The following HNF1B variants were observed in gnomAD, a reference collection of about 807,000 sequenced individuals.
The protein encoded by HNF1B is HNF1 homeobox B.
A neutral mutation model predicts 61.7 loss-of-function variants in HNF1B; 8 were observed. That is an observed-to-expected ratio of 0.13 (90% CI 0.08 to 0.23). The LOEUF (loss-of-function observed/expected upper bound fraction) is 0.23. HNF1B is among the 10% of genes least tolerant of loss of function. The probability of loss-of-function intolerance (pLI) is 1.00; values close to 1 mark genes in which losing one functional copy is unlikely to be tolerated. For synonymous variants in HNF1B, 314 were observed against 287.7 expected (o/e 1.09, Z -0.93); for missense variants, 562 against 714.5 (o/e 0.79, Z 2.43).
chr17:37,716,688 CACCAGAG>C (rs913350619), intron 4 of HNF1B, among the ~76,000 whole-genome samples: 1 of 152,188 alleles, frequency 6.6e-6, no homozygotes, highest in Non-Finnish European at 1.5e-5. Context: ...GGGTGCCATT[CACCAGAG>C]ACTTTGCAGA....
At chr17:37,691,580 T>C (rs1431296786) in intron 8 of HNF1B, among the ~76,000 whole-genome samples, 1 of 152,164 alleles carries the variant, frequency 6.6e-6, no homozygotes, top group Admixed American at 6.5e-5. Flanking sequence ...GCTGGGTGTT[T>C]CCTTTGGGAC....
At chr17:37,726,297 G>A (rs1188237384) in intron 4 of HNF1B, among the ~76,000 whole-genome samples, 1 of 152,214 alleles carries the variant, frequency 6.6e-6, no homozygotes, top group Non-Finnish European at 1.5e-5. Context: ...TTGGGCACAT[G>A]CCTTCCATTC....
intron 6 of HNF1B, among the ~76,000 whole-genome samples, chr17:37,702,493 C>T (rs1009114581): frequency 2.0e-5 from 3 of 152,174 alleles, no homozygotes; most frequent in Non-Finnish European, 4.4e-5. Flanking sequence ...TCTCCTCAAG[C>T]CAGCATCTCA....
intron 2 of HNF1B, among the ~76,000 whole-genome samples, chr17:37,734,564 A>T (rs1216847059): frequency 6.6e-6 from 1 of 152,180 alleles, no homozygotes; most frequent in Non-Finnish European, 1.5e-5. Context: ...CTCGGCCCAG[A>T]GGTGATGCCT....
intron 2 of HNF1B, among the ~76,000 whole-genome samples, chr17:37,736,256 A>G (rs1237656821): frequency 6.6e-6 from 1 of 152,258 alleles, no homozygotes; most frequent in Non-Finnish European, 1.5e-5. Flanking sequence ...CCAATGGCGA[A>G]AGCCAGTGTG....
chr17:37,692,608 T>G (rs1217400947), intron 8 of HNF1B, among the ~76,000 whole-genome samples: 1 of 147,270 alleles, frequency 6.8e-6, no homozygotes. Flanking sequence ...CTGCATTCAT[T>G]CGTTCGTTCG....
Position 37,745,016 on chromosome 17 carries a change from C to T in HNF1B, c.-132G>A, listed in dbSNP as rs1287301431. ...TTCAGCCTCCAGACACCTGTTACTC[C>T]CCGGGGTCCCGGAGGCTCCTCCGAA... is the stretch of plus-strand genomic sequence containing the variant. On this transcript the variant is annotated 5_prime_UTR_variant, in exon 1 of 9. Coordinates refer to ENST00000617811, the MANE Select transcript of HNF1B (RefSeq NM_000458.4). The T allele has an allele frequency of 9.3e-6, 7 of 750,226 alleles. No homozygotes were observed. Among genetic ancestry groups the T allele is most frequent in the Non-Finnish European group, 1.3e-5 (6 of 456,626 alleles). The allele number at this position is 750,226 out of a possible 1,614,324, so 46.5% of individuals were successfully genotyped here.
intron 4 of HNF1B, among the ~76,000 whole-genome samples, chr17:37,726,880 A>G (rs192256152): frequency 5.1e-4 from 78 of 152,266 alleles, no homozygotes; most frequent in African/African-American, 1.7e-3. Flanking sequence ...CAGGAGAATA[A>G]GTCCCCCCTT....
chr17:37,724,112 A>T lies in HNF1B; in HGVS notation c.1045+7483T>A, dbSNP rs116136346. Among the ~76,000 whole-genome samples the T allele has an allele frequency of 5.1e-3, 778 of 152,128 alleles. 5 individuals carry two copies. Among genetic ancestry groups the T allele is most frequent in the African/African-American group, 0.018 (737 of 41,492 alleles). On this transcript the variant is annotated intron_variant, in intron 4 of 8. Coordinates refer to ENST00000617811, the MANE Select transcript of HNF1B (RefSeq NM_000458.4). ...CAAAGGGGAGTTAGTTGCTAATCCAACTCCAGTACTCAAAAGTGTGTCCCA... is the reference window on the plus strand; with the variant it reads ...CAAAGGGGAGTTAGTTGCTAATCCATCTCCAGTACTCAAAAGTGTGTCCCA...
chr17:37,712,566 C>T (rs906602437), intron 4 of HNF1B, among the ~76,000 whole-genome samples: 1 of 152,084 alleles, frequency 6.6e-6, no homozygotes, highest in African/African-American at 2.4e-5. Flanking sequence ...GAGCTAGGTT[C>T]AATGGAAAAC....
chr17:37,700,130 A>G (rs2032516620), intron 7 of HNF1B, among the ~76,000 whole-genome samples: 1 of 152,158 alleles, frequency 6.6e-6, no homozygotes, highest in Admixed American at 6.5e-5. Flanking sequence ...CACAGCCAGG[A>G]TTTAAATCCA....
intron 8 of HNF1B, among the ~76,000 whole-genome samples, chr17:37,694,450 C>CTT (rs2032317606): frequency 1.2e-5 from 1 of 81,880 alleles, no homozygotes; most frequent in Non-Finnish European, 3.1e-5. Context: ...CCCCCCCCCC[C>CTT]CCCGCAAAAA....
intron 8 of HNF1B, among the ~76,000 whole-genome samples, chr17:37,690,305 G>A (rs927686240): frequency 6.6e-5 from 10 of 152,188 alleles, no homozygotes; most frequent in Non-Finnish European, 1.2e-4. Context: ...ATGGAGGGAG[G>A]AAGGAGGTGA....
At chr17:37,688,419 ACACTTACACC>A (rs1195328759) in intron 8 of HNF1B, among the ~76,000 whole-genome samples, 7 of 149,940 alleles carry the variant, frequency 4.7e-5, no homozygotes, top group African/African-American at 1.7e-4. Context: ...ACACACACAC[ACACTTACACC>A]TACCAATACC....
intron 1 of HNF1B, among the ~76,000 whole-genome samples, chr17:37,742,963 T>C (rs1454448449): frequency 1.4e-5 from 2 of 146,500 alleles, no homozygotes; most frequent in Non-Finnish European, 1.5e-5. Context: ...ATAACCCGCC[T>C]CTCTTTTCAA....
Position 37,731,416 on chromosome 17 carries a change from G to C in HNF1B, c.1045+179C>G, listed in dbSNP as rs982561950. ...AGGGCAATGGCTGAACCAGGAGTTG[G>C]AGGAAACTGATCAGAGCCACACATT... is the stretch of plus-strand genomic sequence containing the variant. On this transcript the variant is annotated intron_variant, in intron 4 of 8. Coordinates refer to ENST00000617811, the MANE Select transcript of HNF1B (RefSeq NM_000458.4). The C allele has an allele frequency of 1.1e-5, 8 of 703,146 alleles. No homozygotes were observed. In the African/African-American group the frequency reaches 1.2e-4, roughly 11 times the overall value. 43.6% of individuals were successfully genotyped at this position (703,146 alleles called of 1,614,324 possible).
intron 1 of HNF1B, among the ~76,000 whole-genome samples, chr17:37,741,595 C>G (rs8064454): frequency 1.3e-5 from 2 of 151,980 alleles, no homozygotes; most frequent in Admixed American, 1.3e-4. Flanking sequence ...ATATTTCCAC[C>G]GATATTTTTA....
chr17:37,706,419 A>G (rs1476113208), intron 5 of HNF1B, among the ~76,000 whole-genome samples: 1 of 152,124 alleles, frequency 6.6e-6, no homozygotes, highest in Non-Finnish European at 1.5e-5. Context: ...TTCACTTCCC[A>G]GAGCTTTTCA....
intron 4 of HNF1B, among the ~76,000 whole-genome samples, chr17:37,722,584 G>A (rs2033352358): frequency 6.6e-6 from 1 of 152,172 alleles, no homozygotes; most frequent in South Asian, 2.1e-4. Flanking sequence ...ACATGCTAAA[G>A]ACCATCTGCA....
Sources: allele counts gnomAD v4.1 joint callset (sites outside exome capture counted in the v4.1 genomes callset), GRCh38; gene constraint gnomAD v4.1.1; transcripts MANE v1.5; gene names NCBI Gene and HGNC (gene_info 2026-07-23, HGNC 2026-07-21).